Variants in CCDC80 observed in about 807,000 individuals in gnomAD.
CCDC80 encodes the protein coiled-coil domain-containing protein 80.
CCDC80 carries 49 observed loss-of-function variants against 78.7 expected under a neutral mutation model. The observed-to-expected ratio is 0.62, with a 90% CI of 0.50 to 0.79. CCDC80 has a LOEUF of 0.79. Ranked by LOEUF, CCDC80 falls within the 30% of genes least tolerant of loss-of-function variation. The pLI is 0.00. For missense variants in CCDC80, 1,205 were observed against 1,198.6 expected, an observed-to-expected ratio of 1.01 and a Z score of -0.08; for synonymous variants, 488 against 447.0, an observed-to-expected ratio of 1.09 and a Z score of -1.16.
rs1408487634 is a variant in CCDC80 at position 112,609,995 on chromosome 3, C to T, written c.2408G>A (p.Gly803Asp). 6.2e-7 allele frequency: 1 copy of T among 1,613,632 alleles called. No individual in the cohort carries two copies. ...CCACTCACCAAAATTGCACGCCTGA[C>T]CACTGAGGGCAGAGAGCTGCTGTGA... ...AYSQQLSALS[G>D]QACNFGLRHI... The change falls in exon 6 of 8, where the codon GGT becomes GAT. Residue 803 changes from glycine (G) to aspartate (D), a missense_variant. By Grantham distance (94) the Gly-to-Asp change is moderately conservative. Coordinates refer to ENST00000206423, the MANE Select transcript of CCDC80 (RefSeq NM_199511.3).
chr3:112,634,536 T>C (rs1030918331), intron 2 of CCDC80, among the ~76,000 whole-genome samples: 36 of 152,288 alleles, frequency 2.4e-4, no homozygotes, highest in African/African-American at 7.9e-4. Context: ...TGGAATCCAA[T>C]CTATTGTTTT....
intron 2 of CCDC80, among the ~76,000 whole-genome samples, chr3:112,635,506 T>A (rs1282342634): frequency 6.6e-6 from 1 of 152,240 alleles, no homozygotes; most frequent in Admixed American, 6.5e-5. Context: ...AACAATGTTT[T>A]TCACCCATTG....
rs1451163302 is a variant in CCDC80, at chr3:112,604,534, T to C, written c.*883A>G. ...GACTACTAAAGAGTGTAAACATAAC[T>C]TTTATATGCACTGAGAAACCAAAAA... On this transcript the variant is annotated 3_prime_UTR_variant, in exon 8 of 8. Coordinates refer to ENST00000206423, the MANE Select transcript of CCDC80 (RefSeq NM_199511.3). The C allele has an allele frequency of 6.6e-6, 1 of 152,250 alleles. No individual in the cohort carries two copies. The highest frequency in any genetic ancestry group is 1.9e-4 in the East Asian group (1 of 5,204). The allele number at this position is 152,250 out of a possible 1,614,324, so 9.4% of individuals were successfully genotyped here.
rs1031474973 is a variant in CCDC80, at chr3:112,602,089, T to C, written c.*3328A>G. ...ACTCACTTTATGTCTCTGTGTCACA[T>C]TTTGGTAATTCTTGCCATATTTCAC... On this transcript the variant is annotated 3_prime_UTR_variant, in exon 8 of 8. Coordinates refer to ENST00000206423, the MANE Select transcript of CCDC80 (RefSeq NM_199511.3). The C allele has an allele frequency of 1.3e-5, 2 of 152,214 alleles. No individual in the cohort carries two copies. Among genetic ancestry groups the C allele is most frequent in the Non-Finnish European group, 2.9e-5 (2 of 68,032 alleles). The allele number at this position is 152,214 out of a possible 1,614,324, so 9.4% of individuals were successfully genotyped here.
At chr3:112,618,894 G>C (rs1935805872) in intron 4 of CCDC80, 74 bp downstream of exon 4, 2 of 1,464,934 alleles carry the variant, frequency 1.4e-6, no homozygotes, top group Non-Finnish European at 1.9e-6. Context: ...ACATTGAATG[G>C]ACTGTTTAAC....
intron 2 of CCDC80, among the ~76,000 whole-genome samples, chr3:112,630,517 C>A (rs1026631453): frequency 1.6e-4 from 24 of 152,204 alleles, no homozygotes; most frequent in African/African-American, 5.8e-4. Context: ...CTCCACATGT[C>A]TCACTTTTCT....
intron 2 of CCDC80, among the ~76,000 whole-genome samples, chr3:112,633,690 A>G (rs377692815): frequency 1.3e-5 from 2 of 152,272 alleles, no homozygotes; most frequent in Admixed American, 1.3e-4. Flanking sequence ...CTTACATTTA[A>G]TCTGCTCCTC....
At chr3:112,606,905 C>A (rs977641357) in intron 7 of CCDC80, among the ~76,000 whole-genome samples, 3 of 152,066 alleles carry the variant, frequency 2.0e-5, no homozygotes, top group Non-Finnish European at 4.4e-5. Flanking sequence ...TACGGACCCC[C>A]AAAAAGCATT....
intron 7 of CCDC80, 26 bp from the exon 8 acceptor site, chr3:112,605,789 G>GT: frequency 6.4e-7 from 1 of 1,554,248 alleles, no homozygotes. Flanking sequence ...AATAGTTATT[G>GT]TTAGTAGATT....
chr3:112,639,782 A>G lies in CCDC80; in HGVS notation c.124T>C (p.Ser42Pro). ...CGAGCTGGCCTACTGCTGTCCGGAGAAACCAAAGGCACTTTCCGTCCTCCG... is the reference window on the plus strand; with the variant it reads ...CGAGCTGGCCTACTGCTGTCCGGAGGAACCAAAGGCACTTTCCGTCCTCCG... ...SHGGRKVPLV[S>P]PDSSRPARFL... is the part of the protein sequence containing the mutation. The change falls in exon 2 of 8, where the codon TCT becomes CCT. Residue 42 changes from serine to proline, a missense_variant. Coordinates refer to ENST00000206423, the MANE Select transcript of CCDC80 (RefSeq NM_199511.3). 15 of 1,614,098 alleles carry G rather than the reference A, an allele frequency of 9.3e-6. No individual in the cohort carries two copies. The highest frequency in any genetic ancestry group is 1.3e-5 in the Non-Finnish European group (15 of 1,180,018).
chr3:112,630,877 G>C (rs560552149), intron 2 of CCDC80, among the ~76,000 whole-genome samples: 1 of 152,138 alleles, frequency 6.6e-6, no homozygotes, highest in Non-Finnish European at 1.5e-5. Context: ...AGAGTTGGTG[G>C]TGTTTGTCTT....
chr3:112,625,362 A>C (rs1935943959), intron 3 of CCDC80, among the ~76,000 whole-genome samples: 1 of 152,222 alleles, frequency 6.6e-6, no homozygotes, highest in African/African-American at 2.4e-5. Context: ...ATCCACTCAG[A>C]CTACATTTTC....
intron 4 of CCDC80, 82 bp downstream of exon 4, chr3:112,618,886 A>G (rs554976698): frequency 7.0e-6 from 10 of 1,428,494 alleles, no homozygotes; most frequent in African/African-American, 2.9e-5. Flanking sequence ...TTACTCGTAC[A>G]TTGAATGGAC....
chr3:112,609,987 A>C lies in CCDC80; in HGVS notation c.2416T>G (p.Cys806Gly), dbSNP rs1374818671. 1 of 1,612,768 alleles carries C rather than the reference A, an allele frequency of 6.2e-7. No individual in the cohort carries two copies. The highest frequency in any genetic ancestry group is 1.3e-5 in the African/African-American group (1 of 74,826). ...QQLSALSGQA[C>G]NFGLRHITIL... ...GTGGCTTCCCACTCACCAAAATTGC[A>C]CGCCTGACCACTGAGGGCAGAGAGC... Residue 806 changes from cysteine (C) to glycine (G), a missense_variant, in exon 6 of 8, where the codon TGC becomes GGC. Cys to Gly is a radical substitution (Grantham distance 159). Coordinates refer to ENST00000206423, the MANE Select transcript of CCDC80 (RefSeq NM_199511.3).
In CCDC80 at chr3:112,639,313, C is replaced by A. The variant is rs376248786; in HGVS notation, c.593G>T (p.Gly198Val). Reference protein sequence around the residue: ...VLFHQAGEEGGKVRRITSEGQ... With the variant: ...VLFHQAGEEGVKVRRITSEGQ... Reference sequence around the variant, plus strand: ...CTCGCTGGTGATCCTTCTCACCTTGCCTCCTTCCTCACCTGCCTGGTGGAA... The same window carrying A: ...CTCGCTGGTGATCCTTCTCACCTTGACTCCTTCCTCACCTGCCTGGTGGAA... Residue 198 changes from glycine (G) to valine (V), a missense_variant, in exon 2 of 8, where the codon GGC becomes GTC. Gly to Val is a moderately radical substitution (Grantham distance 109). Coordinates refer to ENST00000206423, the MANE Select transcript of CCDC80 (RefSeq NM_199511.3). The A allele has an allele frequency of 5.9e-5, 95 of 1,614,046 alleles. No homozygotes were observed. The highest frequency in any genetic ancestry group is 7.1e-5 in the Non-Finnish European group (84 of 1,180,032).
At chr3:112,630,604 A>C (rs1313785218) in intron 2 of CCDC80, among the ~76,000 whole-genome samples, 1 of 152,200 alleles carries the variant, frequency 6.6e-6, no homozygotes, top group Non-Finnish European at 1.5e-5. Flanking sequence ...GCATGCAATA[A>C]TTGTTCAATA....
In CCDC80 at chr3:112,638,388, A is replaced by G; in HGVS notation, c.1518T>C (p.Tyr506=). 6.2e-7 allele frequency: 1 copy of G among 1,613,282 alleles called. No individual in the cohort carries two copies. The highest frequency in any genetic ancestry group is 1.7e-5 in the Admixed American group (1 of 59,912). Residue 506 remains tyrosine, a synonymous_variant, in exon 2 of 8, where the codon TAT becomes TAC. Transcript: ENST00000206423. The part of the protein sequence containing the change: ...KAQDKILSNE[Y]EEKYDLSRPT... ...GCCGGCTGAGGTCATACTTCTCCTCATACTCATTACTAAGAATTTTGTCCT... is the reference window on the plus strand; with the variant it reads ...GCCGGCTGAGGTCATACTTCTCCTCGTACTCATTACTAAGAATTTTGTCCT...
chr3:112,599,036 ACT>A lies in CCDC80; in HGVS notation c.*6379_*6380del, dbSNP rs1559871708. 1.3e-5 allele frequency: 2 copies of A among 152,096 alleles called. No homozygotes were observed. The highest frequency in any genetic ancestry group is 2.9e-5 in the Non-Finnish European group (2 of 68,024). 9.4% of individuals were successfully genotyped at this position (152,096 alleles called of 1,614,324 possible). A position where few individuals can be genotyped will look rare whatever the true frequency, so the allele number is the denominator to read the frequency against. On this transcript the variant is annotated 3_prime_UTR_variant, in exon 8 of 8. Transcript: ENST00000206423. ...ACCACAGGAAGCCTCTAAATTTAGCACTCTACTCACAGAGGGCCAAGAAAAAT... is the reference window on the plus strand; with the variant it reads ...ACCACAGGAAGCCTCTAAATTTAGCACTACTCACAGAGGGCCAAGAAAAAT...
chr3:112,611,539 T>A (rs1324524906), intron 5 of CCDC80, among the ~76,000 whole-genome samples: 1 of 152,206 alleles, frequency 6.6e-6, no homozygotes, highest in Admixed American at 6.5e-5. Context: ...AAAACAAGGC[T>A]TAGAGAAGTG....
Sources: gnomAD v4.1 joint callset for allele counts (sites outside exome capture counted in the v4.1 genomes callset) on GRCh38, gnomAD v4.1.1 for gene constraint, MANE v1.5 for transcripts, NCBI Gene and HGNC (gene_info 2026-07-23, HGNC 2026-07-21) for gene names.